NIPBL: variants seen among roughly 807,000 people sequenced by gnomAD.
NIPBL encodes the protein nipped-B-like protein.
Under a neutral mutation model 321.8 loss-of-function variants are expected in NIPBL, and 19 were observed. The observed-to-expected ratio is 0.06, with a 90% CI of 0.04 to 0.09. The LOEUF is 0.09. Ranked by LOEUF, NIPBL falls within the 10% of genes least tolerant of loss-of-function variation. The pLI, the probability that NIPBL is intolerant of heterozygous loss-of-function variation, is 1.00. For missense variants in NIPBL, 2,210 were observed against 3,327.0 expected (o/e 0.66, Z 8.26); for synonymous variants, 1,106 against 1,114.1 (o/e 0.99, Z 0.14).
At chr5:36,946,282 A>G (rs139945783) in intron 1 of NIPBL, among the ~76,000 whole-genome samples, 1 of 152,050 alleles carries the variant, frequency 6.6e-6, no homozygotes, top group African/African-American at 2.4e-5. Context: ...TGGCCCACCA[A>G]GACTCCAGCA....
chr5:36,965,921 AT>A (rs929126510), intron 6 of NIPBL, among the ~76,000 whole-genome samples: 1 of 151,888 alleles, frequency 6.6e-6, no homozygotes, highest in Admixed American at 6.6e-5. Context: ...GAAAGGTTGC[AT>A]TTTTTTTCAA....
At chr5:36,977,176 T>C (rs1435856676) in intron 9 of NIPBL, among the ~76,000 whole-genome samples, 3 of 152,096 alleles carry the variant, frequency 2.0e-5, no homozygotes, top group Admixed American at 6.6e-5. Flanking sequence ...AGCAATATAA[T>C]TGATGAATTT....
chr5:36,980,837 T>G (rs1355218230), intron 9 of NIPBL, among the ~76,000 whole-genome samples: 10 of 151,688 alleles, frequency 6.6e-5, no homozygotes, highest in Admixed American at 4.6e-4. Context: ...GATTTGAACT[T>G]GGCATATTGC....
rs374094831 is a variant in NIPBL at position 37,006,339 on chromosome 5, A to G, written c.3856-18A>G. 1.2e-4 allele frequency: 162 copies of G among 1,297,064 alleles called. 1 individual carries two copies. Among genetic ancestry groups the G allele is most frequent in the South Asian group, 3.3e-4 (28 of 84,526 alleles). 80.3% of individuals were successfully genotyped at this position (1,297,064 alleles called of 1,614,324 possible). On this transcript the variant is annotated intron_variant, in intron 16 of 46. Transcript: ENST00000282516. The stretch of plus-strand genomic sequence containing the variant: ...TAAATGTGTTTATTTCCATTTCATT[A>G]ACAATACTGTTTTACAGAATAACGA...
rs1195859861 is a variant in NIPBL at position 36,996,001 on chromosome 5, A to G, written c.3304+197A>G. Among the ~76,000 whole-genome samples the G allele has an allele frequency of 6.6e-6, 1 of 152,200 alleles. No homozygotes were observed. Among genetic ancestry groups the G allele is most frequent in the Non-Finnish European group, 1.5e-5 (1 of 68,028 alleles). ...GTTGGCACCAAGAAAAAAATATTAA[A>G]TAAGCTACAATTAATTTTAAAACAC... On this transcript the variant is annotated intron_variant, in intron 11 of 46. Transcript: ENST00000282516. This position sits in a 1 kb window ranked among gnomAD's most constrained non-coding sequence, Gnocchi z 5.0.
At chr5:36,891,826 G>T (rs1292098719) in intron 1 of NIPBL, among the ~76,000 whole-genome samples, 1 of 152,076 alleles carries the variant, frequency 6.6e-6, no homozygotes. Flanking sequence ...TTAAGATGGG[G>T]GATTGTAGCG....
intron 1 of NIPBL, among the ~76,000 whole-genome samples, chr5:36,935,074 G>T (rs760472789): frequency 6.6e-6 from 1 of 151,796 alleles, no homozygotes; most frequent in African/African-American, 2.4e-5. Flanking sequence ...CAGTTCCTTC[G>T]CTCCTCTCTG....
At chr5:37,021,989 C>A in intron 27 of NIPBL, 62 bp from the exon 28 acceptor site, 2 of 1,227,828 alleles carry the variant, frequency 1.6e-6, no homozygotes, top group Non-Finnish European at 2.4e-6. Context: ...TGTTTTCATG[C>A]TATTTTTAAT....
chr5:36,940,201 A>G (rs1260553070), intron 1 of NIPBL, among the ~76,000 whole-genome samples: 2 of 152,192 alleles, frequency 1.3e-5, no homozygotes, highest in Non-Finnish European at 2.9e-5. Flanking sequence ...TCAGGTTAAT[A>G]TTTTTAAGGA....
intron 45 of NIPBL, among the ~76,000 whole-genome samples, chr5:37,062,288 A>G (rs903205547): frequency 3.9e-5 from 6 of 152,256 alleles, no homozygotes; most frequent in African/African-American, 1.2e-4. Flanking sequence ...AACTGCAAGC[A>G]GTCATTCTCT....
Position 37,001,008 on chromosome 5 carries a change from T to A in NIPBL, c.3594T>A (p.Thr1198=), listed in dbSNP as rs1204366948. 2 of 1,611,568 alleles carry A rather than the reference T, an allele frequency of 1.2e-6. No homozygotes were observed. Among genetic ancestry groups the A allele is most frequent in the Admixed American group, 1.7e-5 (1 of 59,940 alleles). ...TTGCAGAAATGATGGACTCTTCAAC[T>A]TTTAAGAGATTCACAGCCTCAATAG... is the stretch of plus-strand genomic sequence containing the variant. The part of the protein sequence containing the change: ...LTPEEMMDSS[T]FKRFTASIEN... The change falls in exon 14 of 47, where the codon ACT becomes ACA. Residue 1198 remains threonine (T), a synonymous_variant. Coordinates refer to ENST00000282516, the MANE Select transcript of NIPBL (RefSeq NM_133433.4).
At chr5:36,941,336 C>T (rs770566064) in intron 1 of NIPBL, among the ~76,000 whole-genome samples, 3 of 151,094 alleles carry the variant, frequency 2.0e-5, no homozygotes, top group Admixed American at 1.3e-4. Flanking sequence ...TTTTCTATAC[C>T]CCCCAATTTT....
chr5:37,039,431 C>T (rs1433793488), intron 34 of NIPBL, among the ~76,000 whole-genome samples: 1 of 151,686 alleles, frequency 6.6e-6, no homozygotes, highest in African/African-American at 2.4e-5. Flanking sequence ...AGTAGTAAGA[C>T]ATTGCTTAAG....
intron 9 of NIPBL, 137 bp from the exon 10 acceptor site, chr5:36,984,539 A>G: frequency 1.5e-6 from 1 of 679,526 alleles, no homozygotes; most frequent in Non-Finnish European, 2.4e-6. Flanking sequence ...TTACTATTTT[A>G]TGTGTACATA....
At chr5:36,926,085 C>G (rs1450472091) in intron 1 of NIPBL, among the ~76,000 whole-genome samples, 2 of 152,152 alleles carry the variant, frequency 1.3e-5, no homozygotes, top group Non-Finnish European at 2.9e-5. Context: ...AACATATATC[C>G]TGACTTAATT....
intron 10 of NIPBL, among the ~76,000 whole-genome samples, chr5:36,992,350 TA>T (rs1038206339): frequency 2.0e-5 from 3 of 152,214 alleles, no homozygotes; most frequent in Admixed American, 6.5e-5. Context: ...CATCAATCCC[TA>T]AAATACATCA....
intron 45 of NIPBL, among the ~76,000 whole-genome samples, chr5:37,061,411 C>T (rs1391505112): frequency 1.3e-5 from 2 of 152,188 alleles, no homozygotes; most frequent in African/African-American, 4.8e-5. Flanking sequence ...CGTGAGGTGG[C>T]TCACACCTGT....
Position 36,971,021 on chromosome 5 carries a change from C to A in NIPBL, c.756C>A (p.His252Gln). 1 of 1,612,614 alleles carries A rather than the reference C, an allele frequency of 6.2e-7. No individual in the cohort carries two copies. The highest frequency in any genetic ancestry group is 8.5e-7 in the Non-Finnish European group (1 of 1,178,708). The change falls in exon 7 of 47, where the codon CAC becomes CAA. Residue 252 changes from histidine to glutamine, a missense_variant. His to Gln is a conservative substitution (Grantham distance 24). Transcript: ENST00000282516. ...GSSEDYLHMV[H>Q]RLSSDDGDSS... ...GTGAGGACTACCTACACATGGTGCA[C>A]AGGCTAAGTAGTGACGTATGTAATA...
intron 33 of NIPBL, among the ~76,000 whole-genome samples, chr5:37,036,734 A>C (rs1399409986): frequency 6.6e-6 from 1 of 151,498 alleles, no homozygotes; most frequent in Non-Finnish European, 1.5e-5. Flanking sequence ...CATATCTTTT[A>C]ATAGCATATT....
Sources: allele counts gnomAD v4.1 joint callset (sites outside exome capture counted in the v4.1 genomes callset), GRCh38; gene constraint gnomAD v4.1.1; non-coding constraint Gnocchi (gnomAD v3.1); transcripts MANE v1.5; gene names NCBI Gene and HGNC (gene_info 2026-07-23, HGNC 2026-07-21).